ENPP6: variants seen among roughly 807,000 people sequenced by gnomAD.
The protein encoded by ENPP6 is glycerophosphocholine cholinephosphodiesterase ENPP6.
In ENPP6, 32 loss-of-function variants were observed where a neutral mutation model predicts 42.0. The observed-to-expected ratio is 0.76, with a 90% CI of 0.58 to 1.02. The LOEUF (loss-of-function observed/expected upper bound fraction) is 1.02. Ranked by LOEUF, ENPP6 falls within the 50% of genes least tolerant of loss-of-function variation. The pLI is 0.00. For synonymous variants in ENPP6, 213 were observed against 216.0 expected, an observed-to-expected ratio of 0.99 and a Z score of 0.12; for missense variants, 552 against 566.8, an observed-to-expected ratio of 0.97 and a Z score of 0.27.
At chr4:184,199,794 C>G (rs1381920745) in intron 1 of ENPP6, among the ~76,000 whole-genome samples, 1 of 152,208 alleles carries the variant, frequency 6.6e-6, no homozygotes, top group South Asian at 2.1e-4. Context: ...GATCATAAAA[C>G]AGGGCAAGGG....
At chr4:184,133,119 G>A (rs879519355) in intron 2 of ENPP6, among the ~76,000 whole-genome samples, 2 of 149,704 alleles carry the variant, frequency 1.3e-5, no homozygotes, top group Non-Finnish European at 3.0e-5. Flanking sequence ...CAGCTATTCT[G>A]GAGTCTGCAC....
chr4:184,201,737 A>G (rs1003011868), intron 1 of ENPP6, among the ~76,000 whole-genome samples: 4 of 149,364 alleles, frequency 2.7e-5, no homozygotes, highest in Non-Finnish European at 4.5e-5. Flanking sequence ...CTTAGAACAC[A>G]TTTTTTTTTT....
In ENPP6 at chr4:184,124,200, T is replaced by C. The variant is rs779008820; in HGVS notation, c.494A>G (p.Asn165Ser). The C allele has an allele frequency of 1.1e-5, 18 of 1,613,908 alleles. No homozygotes were observed. Among genetic ancestry groups the C allele is most frequent in the Non-Finnish European group, 1.4e-5 (17 of 1,179,948 alleles). ...LEYKNVPTDI[N>S]FANAVSDALD... ...AGCATCGCTGACTGCATTGGCAAAA[T>C]TGATATCCGTTGGGACATTTTTATA... The change falls in exon 3 of 8, where the codon AAT becomes AGT. Residue 165 changes from asparagine to serine, a missense_variant. Asn to Ser is a conservative substitution (Grantham distance 46). Transcript: ENST00000296741.
chr4:184,093,638 C>CAAA (rs1242132141), intron 7 of ENPP6, among the ~76,000 whole-genome samples: 5 of 53,174 alleles, frequency 9.4e-5, no homozygotes, highest in Non-Finnish European at 7.8e-5. Flanking sequence ...GACTCTGTCT[C>CAAA]AAAATAATAA....
intron 1 of ENPP6, among the ~76,000 whole-genome samples, chr4:184,166,407 T>G (rs537704130): frequency 6.6e-6 from 1 of 152,268 alleles, no homozygotes; most frequent in East Asian, 1.9e-4. Context: ...ATGCATTGCT[T>G]TATGTTTCTG....
intron 1 of ENPP6, among the ~76,000 whole-genome samples, chr4:184,170,968 C>T (rs1001370598): frequency 1.3e-5 from 2 of 152,146 alleles, no homozygotes; most frequent in East Asian, 1.9e-4. Context: ...TTCTTTTAGG[C>T]GTGTCTATTT....
At chr4:184,198,233 C>G (rs939400977) in intron 1 of ENPP6, among the ~76,000 whole-genome samples, 1 of 152,244 alleles carries the variant, frequency 6.6e-6, no homozygotes, top group Non-Finnish European at 1.5e-5. Flanking sequence ...AGCCCAGGCC[C>G]TGGCTCTGAG....
At chr4:184,125,497 C>T (rs1736488835) in intron 2 of ENPP6, among the ~76,000 whole-genome samples, 1 of 152,116 alleles carries the variant, frequency 6.6e-6, no homozygotes, top group African/African-American at 2.4e-5. Flanking sequence ...AGAGGGAGCG[C>T]AGGAGGAAAG....
In ENPP6 at chr4:184,116,949, C is replaced by T. The variant is rs1487635306; in HGVS notation, c.762G>A (p.Glu254=). The change falls in exon 5 of 8, where the codon GAG becomes GAA. Residue 254 remains glutamate, a synonymous_variant. Transcript: ENST00000296741. ...TDIFWMDKVI[E]LNKYISLNDL... is the part of the protein sequence containing the mutation. ...CATTCAGGCTGATGTACTTATTCAG[C>T]TCAATCACTTTGTCCATCCAGAAAA... The T allele has an allele frequency of 1.9e-6, 3 of 1,614,084 alleles. No homozygotes were observed. In the Admixed American group the frequency reaches 5.0e-5, roughly 27 times the overall value.
At chr4:184,094,191 A>G (rs1298053677) in intron 7 of ENPP6, among the ~76,000 whole-genome samples, 1 of 152,140 alleles carries the variant, frequency 6.6e-6, no homozygotes, top group African/African-American at 2.4e-5. Flanking sequence ...AGGCAGGAGG[A>G]TCTCTTGAAC....
chr4:184,131,201 C>CTTTCTTTCTTTCT (rs376993212), intron 2 of ENPP6, among the ~76,000 whole-genome samples: 59 of 70,676 alleles, frequency 8.3e-4, no homozygotes, highest in African/African-American at 2.8e-3. Context: ...TTCTTTCTTT[C>CTTTCTTTCTTTCT]TTCTTTCTTT....
At chr4:184,150,954 C>T (rs1737013609) in intron 2 of ENPP6, among the ~76,000 whole-genome samples, 1 of 152,236 alleles carries the variant, frequency 6.6e-6, no homozygotes, top group Non-Finnish European at 1.5e-5. Flanking sequence ...CCTGAAGGAG[C>T]TGTTTTGGAG....
intron 1 of ENPP6, among the ~76,000 whole-genome samples, chr4:184,198,470 G>C (rs1379282088): frequency 6.6e-6 from 1 of 152,202 alleles, no homozygotes; most frequent in African/African-American, 2.4e-5. Flanking sequence ...CTGCTTCTCA[G>C]AGGGGCAGTG....
Position 184,195,432 on chromosome 4 carries a change from C to T in ENPP6, c.241+22147G>A, listed in dbSNP as rs1008691048. ...TGCTAAGAATAATGGTCTCCAGCTTCATCCATGTCCCTGCAAAGGACATGA... is the reference window on the plus strand; with the variant it reads ...TGCTAAGAATAATGGTCTCCAGCTTTATCCATGTCCCTGCAAAGGACATGA... On this transcript the variant is annotated intron_variant, in intron 1 of 7. Transcript: ENST00000296741. 3.3e-5 allele frequency among the ~76,000 whole-genome samples: 5 copies of T among 152,344 alleles called. No individual in the cohort carries two copies. The East Asian group carries it at 5.8e-4, about 18-fold the overall frequency.
At chr4:184,116,246 C>G (rs1489644824) in intron 5 of ENPP6, among the ~76,000 whole-genome samples, 2 of 151,938 alleles carry the variant, frequency 1.3e-5, no homozygotes, top group Admixed American at 1.3e-4. Context: ...ACAAACAGCC[C>G]TGGTGAGGGC....
At chr4:184,132,830 CACACATATAT>C (rs1177577602) in intron 2 of ENPP6, among the ~76,000 whole-genome samples, 21 of 128,494 alleles carry the variant, frequency 1.6e-4, no homozygotes, top group South Asian at 2.4e-4. Context: ...CACACACACA[CACACATATAT>C]ATATATATAT....
chr4:184,095,021 A>T (rs1735874330), intron 7 of ENPP6, among the ~76,000 whole-genome samples: 1 of 152,232 alleles, frequency 6.6e-6, no homozygotes, highest in African/African-American at 2.4e-5. Context: ...GCAGCCAGAT[A>T]GCTATTAAAG....
intron 2 of ENPP6, among the ~76,000 whole-genome samples, chr4:184,134,519 G>A (rs899429015): frequency 6.6e-6 from 1 of 151,982 alleles, no homozygotes; most frequent in African/African-American, 2.4e-5. Context: ...ATACATTGGT[G>A]TAACATTTTC....
At chr4:184,186,894 T>G (rs1732641496) in intron 1 of ENPP6, among the ~76,000 whole-genome samples, 1 of 152,308 alleles carries the variant, frequency 6.6e-6, no homozygotes, top group East Asian at 1.9e-4. Context: ...ACTACCCCCC[T>G]ACTCAGAACC....
Sources: allele counts gnomAD v4.1 joint callset (sites outside exome capture counted in the v4.1 genomes callset), GRCh38; gene constraint gnomAD v4.1.1; transcripts MANE v1.5; gene names NCBI Gene and HGNC (gene_info 2026-07-23, HGNC 2026-07-21).